Variants in NKX6-1 observed in about 807,000 individuals in gnomAD.
The protein encoded by NKX6-1 is NK6 homeobox 1.
A neutral mutation model predicts 24.9 loss-of-function variants in NKX6-1; 11 were observed. The ratio of observed to expected loss-of-function variants is 0.44; its 90% CI spans 0.28 to 0.73. The LOEUF (loss-of-function observed/expected upper bound fraction) is 0.73. Ranked by LOEUF, NKX6-1 falls within the 30% of genes least tolerant of loss-of-function variation. The pLI is 0.15. For synonymous variants in NKX6-1, 277 were observed against 242.9 expected, an observed-to-expected ratio of 1.14 and a Z score of -1.31; for missense variants, 487 against 502.9, an observed-to-expected ratio of 0.97 and a Z score of 0.30.
chr4:84,493,833 A>G lies in NKX6-1; in HGVS notation c.844-284T>C, dbSNP rs1220341591. Among the ~76,000 whole-genome samples, 1 of 152,196 alleles carries G rather than the reference A, an allele frequency of 6.6e-6. No homozygotes were observed. Among genetic ancestry groups the G allele is most frequent in the African/African-American group, 2.4e-5 (1 of 41,430 alleles). ...TGAGCGAGTTCTCAAAAGTAAAAACAAAACTCGGAAACTTAAAAATGAGCG... is the reference window on the plus strand; with the variant it reads ...TGAGCGAGTTCTCAAAAGTAAAAACGAAACTCGGAAACTTAAAAATGAGCG... On this transcript the variant is annotated intron_variant, in intron 2 of 2. Transcript: ENST00000295886. This position sits in a 1 kb window ranked among gnomAD's most constrained non-coding sequence, Gnocchi z 5.1.
chr4:84,498,084 A>AGGG lies in NKX6-1; in HGVS notation c.142_144dup (p.Pro48dup), dbSNP rs746875959. 1.2e-6 allele frequency: 1 copy of AGGG among 821,154 alleles called. No homozygotes were observed. The highest frequency in any genetic ancestry group is 1.4e-6 in the Non-Finnish European group (1 of 728,852). 50.9% of individuals were successfully genotyped at this position (821,154 alleles called of 1,614,324 possible). A position where few individuals can be genotyped will look rare whatever the true frequency, so the allele number is the denominator to read the frequency against. On this transcript the variant is annotated inframe_insertion, in exon 1 of 3. Coordinates refer to ENST00000295886, the MANE Select transcript of NKX6-1 (RefSeq NM_006168.3). ...GAGGACGACGACGAGGACGAGGAGG[A>AGGG]GGGGGGGCCGGCAGGCAGCGGGGGA...
Position 84,498,786 on chromosome 4 carries a change from G to T in NKX6-1, c.-558C>A, listed in dbSNP as rs566024266. 9.9e-5 allele frequency among the ~76,000 whole-genome samples: 15 copies of T among 152,264 alleles called. No individual in the cohort carries two copies. The highest frequency in any genetic ancestry group is 3.1e-4 in the African/African-American group (13 of 41,568). ...GTCGCGCGGCTGATTCGCATTCGACGCTCACTGTGCCCGGGGAGAAAGCGC... is the reference window on the plus strand; with the variant it reads ...GTCGCGCGGCTGATTCGCATTCGACTCTCACTGTGCCCGGGGAGAAAGCGC... On this transcript the variant is annotated 5_prime_UTR_variant, in exon 1 of 3. Transcript: ENST00000295886.
At chr4:84,495,918 C>A (rs907032396) in intron 1 of NKX6-1, 74 bp from the exon 2 acceptor site, 16 of 1,446,872 alleles carry the variant, frequency 1.1e-5, no homozygotes, top group Non-Finnish European at 1.4e-5. Flanking sequence ...GGGGAAAAAA[C>A]GAACTCGAAA....
At position 84,498,942 on chromosome 4, in the gene NKX6-1, T is replaced by G. The variant is rs35616936; in HGVS notation, c.-714A>C. On this transcript the variant is annotated 5_prime_UTR_variant, in exon 1 of 3. Transcript: ENST00000295886. ...GTCCTCACCTCCACCCGCCTTGCCC[T>G]CTGGCCCACGGGGCACTGGAGTTGC... Among the ~76,000 whole-genome samples the G allele has an allele frequency of 0.025, 3,747 of 152,218 alleles. 70 individuals are homozygous for G. The highest frequency in any genetic ancestry group is 0.045 in the South Asian group (218 of 4,824).
In NKX6-1 at chr4:84,498,314, A is replaced by G. The variant is rs1043550173; in HGVS notation, c.-86T>C. On this transcript the variant is annotated 5_prime_UTR_variant, in exon 1 of 3. Coordinates refer to ENST00000295886, the MANE Select transcript of NKX6-1 (RefSeq NM_006168.3). Reference sequence around the variant, plus strand: ...GGGCTCAGAGGAGCCGGAAGCGCCGAGGGCGCGAGCGGAGAGGCACTCGGC... The same window carrying G: ...GGGCTCAGAGGAGCCGGAAGCGCCGGGGGCGCGAGCGGAGAGGCACTCGGC... 9 of 1,257,770 alleles carry G rather than the reference A, an allele frequency of 7.2e-6. No individual in the cohort carries two copies. In the African/African-American group the frequency reaches 1.4e-4, roughly 19 times the overall value. The allele number at this position is 1,257,770 out of a possible 1,614,324, so 77.9% of individuals were successfully genotyped here. A position where few individuals can be genotyped will look rare whatever the true frequency, so the allele number is the denominator to read the frequency against.
Position 84,493,101 on chromosome 4 carries a change from C to T in NKX6-1, c.*188G>A. 1 of 451,918 alleles carries T rather than the reference C, an allele frequency of 2.2e-6. No homozygotes were observed. The highest frequency in any genetic ancestry group is 3.7e-6 in the Non-Finnish European group (1 of 272,314). The allele number at this position is 451,918 out of a possible 1,614,324, so 28.0% of individuals were successfully genotyped here. ...CCCCGGAGTCTCTCTCCCCTACATC[C>T]CCTCCCACAACTTCAAGGTTAAAAA... On this transcript the variant is annotated 3_prime_UTR_variant, in exon 3 of 3. Coordinates refer to ENST00000295886, the MANE Select transcript of NKX6-1 (RefSeq NM_006168.3). This position sits in a 1 kb window ranked among gnomAD's most constrained non-coding sequence, Gnocchi z 5.1.
chr4:84,497,530 G>A lies in NKX6-1; in HGVS notation c.670+29C>T. On this transcript the variant is annotated intron_variant, in intron 1 of 2. Transcript: ENST00000295886. The surrounding 1 kb of genome is among the most constrained non-coding windows in gnomAD (Gnocchi z 4.8). Reference sequence around the variant, plus strand: ...GTGGGCAGAACAGGCACGGCAGGCAGGCATCGGGGCGCGGGTGGTAGTACT... The same window carrying A: ...GTGGGCAGAACAGGCACGGCAGGCAAGCATCGGGGCGCGGGTGGTAGTACT... 1 of 1,253,832 alleles carries A rather than the reference G, an allele frequency of 8.0e-7. No individual in the cohort carries two copies. The highest frequency in any genetic ancestry group is 1.0e-6 in the Non-Finnish European group (1 of 991,624). 77.7% of individuals were successfully genotyped at this position (1,253,832 alleles called of 1,614,324 possible). A position where few individuals can be genotyped will look rare whatever the true frequency, so the allele number is the denominator to read the frequency against.
chr4:84,498,325 G>A lies in NKX6-1; in HGVS notation c.-97C>T. ...AGCCGGAAGCGCCGAGGGCGCGAGCGGAGAGGCACTCGGCGCGCCCGGAGG... is the reference window on the plus strand; with the variant it reads ...AGCCGGAAGCGCCGAGGGCGCGAGCAGAGAGGCACTCGGCGCGCCCGGAGG... On this transcript the variant is annotated 5_prime_UTR_variant, in exon 1 of 3. Coordinates refer to ENST00000295886, the MANE Select transcript of NKX6-1 (RefSeq NM_006168.3). The A allele has an allele frequency of 2.4e-6, 3 of 1,237,616 alleles. No homozygotes were observed. Among genetic ancestry groups the A allele is most frequent in the Non-Finnish European group, 3.0e-6 (3 of 985,368 alleles). The allele number at this position is 1,237,616 out of a possible 1,614,324, so 76.7% of individuals were successfully genotyped here.
At chr4:84,495,406 T>A (rs1050453373) in intron 2 of NKX6-1, among the ~76,000 whole-genome samples, 4 of 152,152 alleles carry the variant, frequency 2.6e-5, no homozygotes, top group African/African-American at 9.7e-5. Context: ...CCCCAGCACA[T>A]GCTGCTATAT....
In NKX6-1 at chr4:84,497,630, C is replaced by T. The variant is rs980060279; in HGVS notation, c.599G>A (p.Arg200Gln). ...YPKPLAELPG[R>Q]TPIFWPGVMQ... Reference sequence around the variant, plus strand: ...CACTCCGGGCCAGAAGATGGGCGTCCGGCCAGGCAGCTCAGCCAGCGGCTT... The same window carrying T: ...CACTCCGGGCCAGAAGATGGGCGTCTGGCCAGGCAGCTCAGCCAGCGGCTT... Residue 200 changes from arginine to glutamine, a missense_variant, in exon 1 of 3, where the codon CGG becomes CAG. Coordinates refer to ENST00000295886, the MANE Select transcript of NKX6-1 (RefSeq NM_006168.3). This position sits in a 1 kb window ranked among gnomAD's most constrained non-coding sequence, Gnocchi z 4.8. 7 of 1,280,526 alleles carry T rather than the reference C, an allele frequency of 5.5e-6. No homozygotes were observed. Among genetic ancestry groups the T allele is most frequent in the African/African-American group, 1.5e-5 (1 of 65,050 alleles). The allele number at this position is 1,280,526 out of a possible 1,614,324, so 79.3% of individuals were successfully genotyped here. A position where few individuals can be genotyped will look rare whatever the true frequency, so the allele number is the denominator to read the frequency against.
Position 84,493,356 on chromosome 4 carries a change from T to C in NKX6-1, c.1037A>G (p.His346Arg), listed in dbSNP as rs182911773. ...DEKITQLLKK[H>R]KSSSGGGGGL... ...GCCGCCGCCGCCGCTGCTGGACTTG[T>C]GCTTCTTCAACAGCTGCGTGATTTT... Residue 346 changes from histidine (H) to arginine (R), a missense_variant, in exon 3 of 3, where the codon CAC (histidine) becomes CGC (arginine). His to Arg is a conservative substitution (Grantham distance 29, BLOSUM62 0). Coordinates refer to ENST00000295886, the MANE Select transcript of NKX6-1 (RefSeq NM_006168.3). This position sits in a 1 kb window ranked among gnomAD's most constrained non-coding sequence, Gnocchi z 5.1. 3.1e-6 allele frequency: 5 copies of C among 1,614,012 alleles called. No individual in the cohort carries two copies. In the Admixed American group the frequency reaches 6.7e-5, roughly 22 times the overall value.
intron 2 of NKX6-1, among the ~76,000 whole-genome samples, chr4:84,495,003 A>C (rs1234335710): frequency 6.6e-6 from 1 of 152,230 alleles, no homozygotes; most frequent in Non-Finnish European, 1.5e-5. Flanking sequence ...GTGATGTTTT[A>C]ATTATAAATT....
Position 84,497,607 on chromosome 4 carries a change from C to G in NKX6-1, c.622G>C (p.Val208Leu). 1 of 1,279,206 alleles carries G rather than the reference C, an allele frequency of 7.8e-7. No individual in the cohort carries two copies. The highest frequency in any genetic ancestry group is 9.9e-7 in the Non-Finnish European group (1 of 1,008,142). 79.2% of individuals were successfully genotyped at this position (1,279,206 alleles called of 1,614,324 possible). Residue 208 changes from valine to leucine, a missense_variant, in exon 1 of 3, where the codon GTG (valine) becomes CTG (leucine). Physicochemically the swap from Val to Leu is conservative, Grantham distance 32 (BLOSUM62 1). This residue lies in a region of NKX6-1 where 316 missense variants were observed against 311.4 expected (regional missense o/e 1.01). Transcript: ENST00000295886. The surrounding 1 kb of genome is among the most constrained non-coding windows in gnomAD (Gnocchi z 4.8). The stretch of plus-strand genomic sequence containing the variant: ...TCCCTCCAGGGCGGGCTCTGCATCA[C>G]TCCGGGCCAGAAGATGGGCGTCCGG... ...PGRTPIFWPG[V>L]MQSPPWRDAR...
Position 84,495,693 on chromosome 4 carries a change from C to A in NKX6-1, c.822G>T (p.Gly274=). 6.2e-7 allele frequency: 1 copy of A among 1,612,518 alleles called. No individual in the cohort carries two copies. Among genetic ancestry groups the A allele is most frequent in the Non-Finnish European group, 8.5e-7 (1 of 1,180,016 alleles). The change falls in exon 2 of 3, where the codon GGG becomes GGT. Residue 274 remains glycine (G), a synonymous_variant. Coordinates refer to ENST00000295886, the MANE Select transcript of NKX6-1 (RefSeq NM_006168.3). ...PERARLAYSL[G]MTESQVKVWF... ...TCACCTTGACCTGACTCTCTGTCAT[C>A]CCCAACGAATAGGCCAAACGAGCCC...
In NKX6-1 at chr4:84,493,409, C is replaced by T. The variant is rs754511824; in HGVS notation, c.984G>A (p.Lys328=). ...CGTCGTCCGAGTTGGGATCCAGAGG[C>T]TTATTGTAGTCGTCGTCCTCTTCCT... is the stretch of plus-strand genomic sequence containing the variant. ...ENEEEDDDYN[K]PLDPNSDDEK... The change falls in exon 3 of 3, where the codon AAG becomes AAA. Residue 328 remains lysine (K), a synonymous_variant. Transcript: ENST00000295886. This position sits in a 1 kb window ranked among gnomAD's most constrained non-coding sequence, Gnocchi z 5.1. The T allele has an allele frequency of 7.4e-6, 12 of 1,614,096 alleles. No homozygotes were observed. The East Asian group carries it at 2.2e-4, about 30-fold the overall frequency.
In NKX6-1 at chr4:84,497,920, G is replaced by C. The variant is rs746514837; in HGVS notation, c.309C>G (p.Ser103Arg). The C allele has an allele frequency of 3.1e-6, 4 of 1,300,584 alleles. No homozygotes were observed. Among genetic ancestry groups the C allele is most frequent in the East Asian group, 5.7e-5 (2 of 35,306 alleles). The allele number at this position is 1,300,584 out of a possible 1,614,324, so 80.6% of individuals were successfully genotyped here. The change falls in exon 1 of 3, where the codon AGC becomes AGG. Residue 103 changes from serine (S) to arginine (R), a missense_variant. Transcript: ENST00000295886. The surrounding 1 kb of genome is among the most constrained non-coding windows in gnomAD (Gnocchi z 4.8). ...ATPHGINDILSRPSMPVASGA... is the reference protein window; with the variant it reads ...ATPHGINDILRRPSMPVASGA... Reference sequence around the variant, plus strand: ...CCGAGGCCACGGGCATGGAGGGCCGGCTCAGGATATCGTTGATGCCGTGTG... The same window carrying C: ...CCGAGGCCACGGGCATGGAGGGCCGCCTCAGGATATCGTTGATGCCGTGTG...
rs1271882461 is a variant in NKX6-1 at position 84,497,515 on chromosome 4, C to A, written c.670+44G>T. On this transcript the variant is annotated intron_variant, in intron 1 of 2. Coordinates refer to ENST00000295886, the MANE Select transcript of NKX6-1 (RefSeq NM_006168.3). The surrounding 1 kb of genome is among the most constrained non-coding windows in gnomAD (Gnocchi z 4.8). Reference sequence around the variant, plus strand: ...GGCCGCGACCCGGGAGTGGGCAGAACAGGCACGGCAGGCAGGCATCGGGGC... The same window carrying A: ...GGCCGCGACCCGGGAGTGGGCAGAAAAGGCACGGCAGGCAGGCATCGGGGC... 2 of 1,252,446 alleles carry A rather than the reference C, an allele frequency of 1.6e-6. No homozygotes were observed. Among genetic ancestry groups the A allele is most frequent in the Non-Finnish European group, 2.0e-6 (2 of 990,752 alleles). 77.6% of individuals were successfully genotyped at this position (1,252,446 alleles called of 1,614,324 possible). A position where few individuals can be genotyped will look rare whatever the true frequency, so the allele number is the denominator to read the frequency against.
At chr4:84,496,416 C>G (rs1720821723) in intron 1 of NKX6-1, 2 of 150,398 alleles carry the variant, frequency 1.3e-5, no homozygotes, top group Admixed American at 1.3e-4. Context: ...ATACGGCCAT[C>G]AAAACCGATA....
chr4:84,496,438 C>G (rs1172807801), intron 1 of NKX6-1: 1 of 152,294 alleles, frequency 6.6e-6, no homozygotes, highest in Non-Finnish European at 1.5e-5. Flanking sequence ...AATAGCGTCT[C>G]CCTGGCACCC....
Sources: allele counts gnomAD v4.1 joint callset (sites outside exome capture counted in the v4.1 genomes callset), GRCh38; gene constraint gnomAD v4.1.1; regional missense constraint gnomAD v4.1.1; non-coding constraint Gnocchi (gnomAD v3.1); transcripts MANE v1.5; gene names NCBI Gene and HGNC (gene_info 2026-07-23, HGNC 2026-07-21).